FBXL2: variants seen among roughly 807,000 people sequenced by gnomAD.
FBXL2 encodes the protein F-box and leucine rich repeat protein 2.
In FBXL2, 38 loss-of-function variants were observed where a neutral mutation model predicts 69.2. The ratio of observed to expected loss-of-function variants is 0.55; its 90% CI spans 0.42 to 0.72. The LOEUF is 0.72. Ranked by LOEUF, FBXL2 falls within the 30% of genes least tolerant of loss-of-function variation. The probability of loss-of-function intolerance (pLI) is 0.00; values close to 1 mark genes in which losing one functional copy is unlikely to be tolerated. For missense variants in FBXL2, 354 were observed against 520.3 expected, an observed-to-expected ratio of 0.68 and a Z score of 3.11; for synonymous variants, 192 against 201.3, an observed-to-expected ratio of 0.95 and a Z score of 0.39.
At chr3:33,325,286 T>C (rs985712550) in intron 2 of FBXL2, among the ~76,000 whole-genome samples, 1 of 152,192 alleles carries the variant, frequency 6.6e-6, no homozygotes, top group Non-Finnish European at 1.5e-5. Context: ...CCTTTATTTC[T>C]TTCTCTTGCC....
chr3:33,301,177 C>A (rs1266656080), intron 2 of FBXL2, among the ~76,000 whole-genome samples: 1 of 152,076 alleles, frequency 6.6e-6, no homozygotes, highest in Non-Finnish European at 1.5e-5. Context: ...TCATTGTCTA[C>A]CCTTGGCTTA....
chr3:33,277,415 G>GGGGAC (rs2033376976), upstream of FBXL2: 1 of 1,219,600 alleles, frequency 8.2e-7, no homozygotes, highest in Admixed American at 4.2e-5. Context: ...AGCCCACCTT[G>GGGGAC]GGGACGGGGC....
At chr3:33,390,723 C>T (rs1433055215), downstream of FBXL2, 3 of 257,730 alleles carry the variant, frequency 1.2e-5, no homozygotes, top group Non-Finnish European at 1.5e-5. Flanking sequence ...TGTGTCAGGG[C>T]AGAGGACCTG....
Position 33,281,659 on chromosome 3 carries a change from G to C in FBXL2, c.3+4144G>C, listed in dbSNP as rs760657544. Among the ~76,000 whole-genome samples, 169 of 152,136 alleles carry C rather than the reference G, an allele frequency of 1.1e-3. 1 individual carries two copies. Among genetic ancestry groups the C allele is most frequent in the African/African-American group, 3.2e-3 (132 of 41,492 alleles). On this transcript the variant is annotated intron_variant, in intron 1 of 14. Transcript: ENST00000484457. The stretch of plus-strand genomic sequence containing the variant: ...TGGTTGAACTAGTTTACAGTCACAC[G>C]AACAGTGTAAAAGTGTTCCTATTTC...
intron 12 of FBXL2, chr3:33,396,148 C>T (rs373499387): frequency 6.5e-7 from 1 of 1,529,022 alleles, no homozygotes; most frequent in Non-Finnish European, 9.0e-7. Context: ...AATTGAGATG[C>T]CCTCAATACC....
Position 33,385,506 on chromosome 3 carries a change from G to A in FBXL2, c.1170G>A (p.Gln390=), listed in dbSNP as rs1444301295. Residue 390 remains glutamine (Q), a synonymous_variant, in exon 15 of 15, where the codon CAG becomes CAA. Transcript: ENST00000484457. The stretch of plus-strand genomic sequence containing the variant: ...TTTTTTCTTCATCCTTCCAGGCTCA[G>A]CTCCCTCATGTCAAAGTCCACGCCT... ...TRAGIKRMRA[Q]LPHVKVHAYF... The A allele has an allele frequency of 6.2e-6, 10 of 1,613,854 alleles. No homozygotes were observed. Among genetic ancestry groups the A allele is most frequent in the Non-Finnish European group, 8.5e-6 (10 of 1,179,844 alleles).
At chr3:33,395,260 A>G (rs1268437605) in intron 12 of FBXL2, among the ~76,000 whole-genome samples, 2 of 152,104 alleles carry the variant, frequency 1.3e-5, no homozygotes, top group Admixed American at 1.3e-4. Context: ...AATTCAAACC[A>G]CAAGACATTT....
At chr3:33,366,616 A>G (rs1276380984) in intron 5 of FBXL2, among the ~76,000 whole-genome samples, 1 of 152,098 alleles carries the variant, frequency 6.6e-6, no homozygotes, top group African/African-American at 2.4e-5. Flanking sequence ...GTGAGCTATG[A>G]TCACACCACC....
chr3:33,336,974 GTGGGCGGATTGC>G (rs2039635211), intron 2 of FBXL2, among the ~76,000 whole-genome samples: 2 of 152,030 alleles, frequency 1.3e-5, no homozygotes, highest in Admixed American at 1.3e-4. Flanking sequence ...GGAGGCCGAG[GTGGGCGGATTGC>G]CTGAGCTCAG....
chr3:33,341,923 TATA>T (rs2040050913), intron 2 of FBXL2, among the ~76,000 whole-genome samples: 2 of 151,592 alleles, frequency 1.3e-5, no homozygotes, highest in African/African-American at 2.4e-5. Flanking sequence ...GGGTAGGTGT[TATA>T]ATAAGATGTT....
At chr3:33,293,929 C>A (rs1236772440) in intron 1 of FBXL2, among the ~76,000 whole-genome samples, 17 of 152,134 alleles carry the variant, frequency 1.1e-4, no homozygotes, top group Admixed American at 1.1e-3. Context: ...ACATTCTTCT[C>A]AAGTGTACAT....
intron 2 of FBXL2, among the ~76,000 whole-genome samples, chr3:33,345,614 T>C (rs899555694): frequency 1.3e-5 from 2 of 152,126 alleles, no homozygotes; most frequent in Admixed American, 1.3e-4. Context: ...CCTCTTAAGG[T>C]TATATGGAAC....
At chr3:33,396,948 C>T (rs1449522821) in intron 12 of FBXL2, 1 of 1,110,930 alleles carries the variant, frequency 9.0e-7, no homozygotes, top group African/African-American at 1.5e-5. Context: ...CACACAGGCA[C>T]ACACGCCAAC....
At chr3:33,397,134 A>G (rs1334098187) in intron 12 of FBXL2, 6 of 1,577,906 alleles carry the variant, frequency 3.8e-6, no homozygotes, top group Admixed American at 2.0e-5. Flanking sequence ...ATAAGTCGGC[A>G]CCTAGAGAAG....
At chr3:33,307,238 A>G (rs1348116523) in intron 2 of FBXL2, among the ~76,000 whole-genome samples, 1 of 152,192 alleles carries the variant, frequency 6.6e-6, no homozygotes, top group Non-Finnish European at 1.5e-5. Context: ...GTAGAGCACA[A>G]TATCATATCT....
chr3:33,358,937 C>T (rs758745252), intron 2 of FBXL2, 30 bp from the exon 3 acceptor site: 21 of 1,409,516 alleles, frequency 1.5e-5, no homozygotes, highest in Non-Finnish European at 1.8e-5. Context: ...AACACCATCT[C>T]GTTTTTGTGT....
At chr3:33,365,200 A>C (rs976477722) in intron 5 of FBXL2, among the ~76,000 whole-genome samples, 1 of 152,062 alleles carries the variant, frequency 6.6e-6, no homozygotes, top group East Asian at 1.9e-4. Flanking sequence ...TGATTTTTAC[A>C]TTAATTTTAT....
chr3:33,300,905 C>T (rs1405922621), intron 2 of FBXL2, among the ~76,000 whole-genome samples: 1 of 151,392 alleles, frequency 6.6e-6, no homozygotes, highest in East Asian at 1.9e-4. Context: ...TTAGTAGAGA[C>T]AGGGTTTCAC....
downstream of FBXL2, chr3:33,390,037 AG>A: frequency 2.7e-6 from 1 of 373,468 alleles, no homozygotes. Flanking sequence ...GGCTGCTTCT[AG>A]GAACTGTATT....
Sources: gnomAD v4.1 joint callset for allele counts (sites outside exome capture counted in the v4.1 genomes callset) on GRCh38, gnomAD v4.1.1 for gene constraint, MANE v1.5 for transcripts, NCBI Gene and HGNC (gene_info 2026-07-23, HGNC 2026-07-21) for gene names.